LRRTM4: variants seen among roughly 807,000 people sequenced by gnomAD.
The protein encoded by LRRTM4 is leucine rich repeat transmembrane neuronal 4.
Under a neutral mutation model 47.6 loss-of-function variants are expected in LRRTM4, and 25 were observed. The ratio of observed to expected loss-of-function variants is 0.53; its 90% CI spans 0.38 to 0.73. The LOEUF (loss-of-function observed/expected upper bound fraction) is 0.73, where lower values mean the gene tolerates loss of function less well. Ranked by LOEUF, LRRTM4 falls within the 30% of genes least tolerant of loss-of-function variation. The pLI, the probability that LRRTM4 is intolerant of heterozygous loss-of-function variation, is 0.00. For missense variants in LRRTM4, 638 were observed against 713.4 expected (o/e 0.89, Z 1.20); for synonymous variants, 311 against 269.5 (o/e 1.15, Z -1.51).
chr2:77,226,536 TAC>T (rs1305725235), intron 3 of LRRTM4, among the ~76,000 whole-genome samples: 27 of 61,544 alleles, frequency 4.4e-4, no homozygotes, highest in African/African-American at 2.2e-3. Flanking sequence ...GCAAATTATA[TAC>T]ATATATATAT....
At chr2:76,751,915 A>G (rs1428532184) in intron 3 of LRRTM4, among the ~76,000 whole-genome samples, 1 of 152,196 alleles carries the variant, frequency 6.6e-6, no homozygotes, top group Admixed American at 6.5e-5. Flanking sequence ...TGAAAATCAC[A>G]TAAAAATTCA....
chr2:76,802,240 A>G (rs1675737323), intron 3 of LRRTM4, among the ~76,000 whole-genome samples: 1 of 138,824 alleles, frequency 7.2e-6, no homozygotes, highest in Non-Finnish European at 1.5e-5. Context: ...CTCCACCAAA[A>G]AAAAAAAAAA....
At chr2:76,947,326 T>TTA (rs1675354472) in intron 3 of LRRTM4, among the ~76,000 whole-genome samples, 2 of 151,786 alleles carry the variant, frequency 1.3e-5, no homozygotes, top group African/African-American at 2.4e-5. Context: ...GATGAGAGAG[T>TTA]TAAAAGCTAG....
chr2:77,257,309 CA>C lies in LRRTM4; in HGVS notation c.1551+261008del, dbSNP rs527480065. On this transcript the variant is annotated intron_variant, in intron 3 of 3. Coordinates refer to ENST00000409884, the MANE Select transcript of LRRTM4 (RefSeq NM_001134745.3). ...AGTATTAACCAAATAAAATCATCTA[CA>C]AAAAAAAAACCCTCTAGAATAAATA... 8.4e-4 allele frequency among the ~76,000 whole-genome samples: 121 copies of C among 144,594 alleles called. 1 individual carries two copies. Among genetic ancestry groups the C allele is most frequent in the Middle Eastern group, 3.6e-3 (1 of 278 alleles). 94.9% of individuals were successfully genotyped at this position (144,594 alleles called of 152,430 possible). A position where few individuals can be genotyped will look rare whatever the true frequency, so the allele number is the denominator to read the frequency against.
At chr2:77,124,943 C>T (rs908386042) in intron 3 of LRRTM4, among the ~76,000 whole-genome samples, 1 of 152,154 alleles carries the variant, frequency 6.6e-6, no homozygotes, top group African/African-American at 2.4e-5. Context: ...GTAGCTTTCA[C>T]AGCATTCTGA....
intron 3 of LRRTM4, among the ~76,000 whole-genome samples, chr2:76,891,125 T>A (rs1050039022): frequency 6.6e-6 from 1 of 151,818 alleles, no homozygotes; most frequent in African/African-American, 2.4e-5. Flanking sequence ...AACTGAAGAA[T>A]CTACAGAAAG....
intron 3 of LRRTM4, among the ~76,000 whole-genome samples, chr2:77,136,114 GC>G (rs1465872130): frequency 6.6e-6 from 1 of 152,110 alleles, no homozygotes; most frequent in Non-Finnish European, 1.5e-5. Flanking sequence ...TTCCAACTGA[GC>G]TTTGAAGAGA....
intron 3 of LRRTM4, among the ~76,000 whole-genome samples, chr2:77,082,165 T>C (rs1680554186): frequency 6.6e-6 from 1 of 152,164 alleles, no homozygotes; most frequent in African/African-American, 2.4e-5. Flanking sequence ...TCTGTCCTAA[T>C]TTCTTAATAT....
chr2:76,976,682 G>C (rs914053915), intron 3 of LRRTM4, among the ~76,000 whole-genome samples: 2 of 151,734 alleles, frequency 1.3e-5, no homozygotes, highest in Non-Finnish European at 2.9e-5. Context: ...AGAATTGTGG[G>C]TATTAGGGGC....
At chr2:77,023,256 C>A (rs1337035665) in intron 3 of LRRTM4, among the ~76,000 whole-genome samples, 1 of 152,304 alleles carries the variant, frequency 6.6e-6, no homozygotes, top group East Asian at 1.9e-4. Context: ...CACAGGGACC[C>A]TGGCCCTGAC....
chr2:77,446,128 C>G (rs757147002), intron 3 of LRRTM4, among the ~76,000 whole-genome samples: 6 of 152,004 alleles, frequency 3.9e-5, no homozygotes, highest in Non-Finnish European at 5.9e-5. Context: ...CAATGCTTCA[C>G]TAAATATTTG....
chr2:76,894,034 A>C (rs1673332770), intron 3 of LRRTM4, among the ~76,000 whole-genome samples: 1 of 151,974 alleles, frequency 6.6e-6, no homozygotes, highest in Non-Finnish European at 1.5e-5. Context: ...TGTGCATATT[A>C]TACTGAAAAA....
intron 3 of LRRTM4, among the ~76,000 whole-genome samples, chr2:76,858,270 G>GA (rs1287931854): frequency 1.3e-5 from 2 of 152,078 alleles, no homozygotes; most frequent in Non-Finnish European, 2.9e-5. Flanking sequence ...GTGAACGCCT[G>GA]AAAAAACAAA....
At chr2:77,011,145 T>C (rs1460785501) in intron 3 of LRRTM4, among the ~76,000 whole-genome samples, 1 of 152,132 alleles carries the variant, frequency 6.6e-6, no homozygotes, top group Non-Finnish European at 1.5e-5. Context: ...AGTAATCATG[T>C]CTTAGTAAAA....
At chr2:77,298,323 G>A (rs1026490093) in intron 3 of LRRTM4, among the ~76,000 whole-genome samples, 2 of 152,094 alleles carry the variant, frequency 1.3e-5, no homozygotes, top group African/African-American at 2.4e-5. Context: ...TGCAAGCTCC[G>A]TCTCCCGGGT....
intron 3 of LRRTM4, among the ~76,000 whole-genome samples, chr2:77,289,855 A>T (rs1676771973): frequency 6.6e-6 from 1 of 152,034 alleles, no homozygotes; most frequent in African/African-American, 2.4e-5. Context: ...TGTTTCTCAA[A>T]ATAGTGTCCC....
At chr2:76,888,228 G>C (rs536969041) in intron 3 of LRRTM4, among the ~76,000 whole-genome samples, 1 of 151,266 alleles carries the variant, frequency 6.6e-6, no homozygotes, top group South Asian at 2.1e-4. Context: ...ATGAAATGTA[G>C]AAAATAGCCC....
chr2:76,954,280 C>G (rs1675597420), intron 3 of LRRTM4, among the ~76,000 whole-genome samples: 2 of 151,596 alleles, frequency 1.3e-5, no homozygotes, highest in African/African-American at 2.4e-5. Flanking sequence ...TTCAAAATAA[C>G]CATCAAAAAG....
intron 3 of LRRTM4, among the ~76,000 whole-genome samples, chr2:76,948,371 G>A (rs1053324663): frequency 1.3e-5 from 2 of 151,862 alleles, no homozygotes; most frequent in East Asian, 1.9e-4. Flanking sequence ...GAAGACAAAT[G>A]TCTTGCCTTT....
Sources: gnomAD v4.1 joint callset for allele counts (sites outside exome capture counted in the v4.1 genomes callset) on GRCh38, gnomAD v4.1.1 for gene constraint, MANE v1.5 for transcripts, NCBI Gene and HGNC (gene_info 2026-07-23, HGNC 2026-07-21) for gene names.